RAB4A: variants seen among roughly 807,000 people sequenced by gnomAD.
RAB4A encodes the protein RAB4A, member RAS oncogene family.
A neutral mutation model predicts 34.5 loss-of-function variants in RAB4A; 20 were observed. That is an observed-to-expected ratio of 0.58 (90% CI 0.41 to 0.84). The LOEUF is 0.84. Among genes scored for constraint, RAB4A ranks in the 40% least tolerant of loss-of-function variants. RAB4A has a pLI of 0.00. For missense variants in RAB4A, 228 were observed against 274.5 expected, an observed-to-expected ratio of 0.83 and a Z score of 1.20; for synonymous variants, 102 against 100.0, an observed-to-expected ratio of 1.02 and a Z score of -0.12.
At chr1:229,298,867 A>T in intron 5 of RAB4A, 110 bp from the exon 6 acceptor site, 1 of 759,386 alleles carries the variant, frequency 1.3e-6, no homozygotes. Context: ...GTTTTAGGTC[A>T]TAAATTATAT....
intron 1 of RAB4A, among the ~76,000 whole-genome samples, chr1:229,277,011 T>C (rs1656668344): frequency 6.8e-6 from 1 of 146,412 alleles, no homozygotes; most frequent in South Asian, 2.1e-4. Flanking sequence ...ATATATAATA[T>C]ATATAGTTTA....
chr1:229,294,233 C>A (rs961382523), intron 3 of RAB4A, among the ~76,000 whole-genome samples: 2 of 152,156 alleles, frequency 1.3e-5, no homozygotes, highest in African/African-American at 4.8e-5. Context: ...GGAGGCAGCA[C>A]TTGGATCTGA....
Position 229,299,029 on chromosome 1 carries a change from T to A in RAB4A, c.498T>A (p.Ala166=). 2 of 1,610,754 alleles carry A rather than the reference T, an allele frequency of 1.2e-6. No homozygotes were observed. The highest frequency in any genetic ancestry group is 2.2e-5 in the South Asian group (2 of 90,260). Residue 166 remains alanine, a synonymous_variant, in exon 6 of 8, where the codon GCT becomes GCA. Transcript: ENST00000366690. ...SALTGENVEE[A]FVQCARKILN... Reference sequence around the variant, plus strand: ...TCACAGGGGAGAATGTAGAAGAGGCTTTTGTACAGTGTGCAAGAAAAATAC... The same window carrying A: ...TCACAGGGGAGAATGTAGAAGAGGCATTTGTACAGTGTGCAAGAAAAATAC...
intron 1 of RAB4A, among the ~76,000 whole-genome samples, chr1:229,277,290 C>G (rs1263603184): frequency 6.6e-6 from 1 of 150,948 alleles, no homozygotes; most frequent in South Asian, 2.1e-4. Flanking sequence ...GTGCCGACAA[C>G]GTTTAATTCA....
intron 6 of RAB4A, among the ~76,000 whole-genome samples, chr1:229,302,309 A>ATAT (rs1657431515): frequency 2.0e-4 from 7 of 35,892 alleles, no homozygotes; most frequent in African/African-American, 4.1e-4. Context: ...ATATATATAT[A>ATAT]TTTTTTTTTT....
chr1:229,282,053 A>G (rs1256720389), intron 1 of RAB4A, among the ~76,000 whole-genome samples: 4 of 152,030 alleles, frequency 2.6e-5, no homozygotes, highest in African/African-American at 9.7e-5. Flanking sequence ...ATGTTCCAAG[A>G]TTCCTTCCTT....
intron 3 of RAB4A, among the ~76,000 whole-genome samples, chr1:229,293,331 C>T (rs200019349): frequency 6.6e-6 from 1 of 152,192 alleles, no homozygotes; most frequent in Non-Finnish European, 1.5e-5. Flanking sequence ...TCTTTCCTCC[C>T]CAGAGGGCTG....
At chr1:229,271,499 G>C in intron 1 of RAB4A, 129 bp downstream of exon 1, 1 of 808,476 alleles carries the variant, frequency 1.2e-6, no homozygotes, top group Non-Finnish European at 1.6e-6. Context: ...GACGGATCTC[G>C]GAGGTGTCTG....
chr1:229,295,398 C>T (rs965709576), intron 3 of RAB4A, among the ~76,000 whole-genome samples: 4 of 152,112 alleles, frequency 2.6e-5, no homozygotes, highest in African/African-American at 9.6e-5. Flanking sequence ...GGTGTAGGGC[C>T]GTGGTGACTA....
At chr1:229,272,697 G>A (rs1436474208) in intron 1 of RAB4A, among the ~76,000 whole-genome samples, 2 of 152,206 alleles carry the variant, frequency 1.3e-5, no homozygotes, top group East Asian at 3.8e-4. Context: ...AGAGGTGGAT[G>A]AGGAGGCAGA....
intron 1 of RAB4A, among the ~76,000 whole-genome samples, chr1:229,285,278 C>A (rs1656893252): frequency 6.6e-6 from 1 of 152,140 alleles, no homozygotes; most frequent in Non-Finnish European, 1.5e-5. Flanking sequence ...CCAAAGTGCT[C>A]ATATTACAGT....
rs145682743 is a variant in RAB4A at position 229,287,266 on chromosome 1, A to G, written c.112+700A>G. The stretch of plus-strand genomic sequence containing the variant: ...TGTGAGGCATGGTAGGTGGTGGGTA[A>G]AAAGGAGAAAGAACCAGTTTGGGGT... On this transcript the variant is annotated intron_variant, in intron 2 of 7. Transcript: ENST00000366690. Among the ~76,000 whole-genome samples the G allele has an allele frequency of 1.6e-4, 25 of 152,302 alleles. No individual in the cohort carries two copies. In the East Asian group the frequency reaches 3.9e-3, roughly 23 times the overall value.
In RAB4A at chr1:229,299,051, A is replaced by T; in HGVS notation, c.520A>T (p.Ile174Leu). The change falls in exon 6 of 8, where the codon ATA becomes TTA. Residue 174 changes from isoleucine to leucine, a missense_variant. Ile to Leu is a conservative substitution (Grantham distance 5). Coordinates refer to ENST00000366690, the MANE Select transcript of RAB4A (RefSeq NM_004578.4). ...GGCTTTTGTACAGTGTGCAAGAAAA[A>T]TACTTAACAAAATCGAATCAGGTAA... ...EEAFVQCARK[I>L]LNKIESGELD... is the part of the protein sequence containing the mutation. 1.2e-6 allele frequency: 2 copies of T among 1,605,690 alleles called. No homozygotes were observed. The highest frequency in any genetic ancestry group is 1.1e-5 in the South Asian group (1 of 89,220).
intron 6 of RAB4A, among the ~76,000 whole-genome samples, chr1:229,302,317 T>A (rs1311535396): frequency 4.1e-4 from 40 of 97,690 alleles, no homozygotes; most frequent in Non-Finnish European, 6.1e-4. Context: ...ATATTTTTTT[T>A]TTTTTTTTAC....
In RAB4A at chr1:229,302,292, TATATATATATATATA is replaced by T. The variant is rs1657421621; in HGVS notation, c.542-569_542-555del. Among the ~76,000 whole-genome samples, 12 of 24,988 alleles carry T rather than the reference TATATATATATATATA, an allele frequency of 4.8e-4. 1 individual carries two copies. Among genetic ancestry groups the T allele is most frequent in the African/African-American group, 1.5e-3 (7 of 4,748 alleles). The allele number at this position is 24,988 out of a possible 152,430, so 16.4% of individuals were successfully genotyped here. ...ATATATATATATATATATATATATA[TATATATATATATATA>T]TATTTTTTTTTTTTTTTTACATGTG... is the stretch of plus-strand genomic sequence containing the variant. On this transcript the variant is annotated intron_variant, in intron 6 of 7. Coordinates refer to ENST00000366690, the MANE Select transcript of RAB4A (RefSeq NM_004578.4).
chr1:229,291,415 AAGAC>A (rs1381609061), intron 3 of RAB4A, among the ~76,000 whole-genome samples: 4 of 152,334 alleles, frequency 2.6e-5, no homozygotes, highest in East Asian at 1.9e-4. Context: ...AGGGAAGACT[AAGAC>A]AGCAGTCAGT....
intron 1 of RAB4A, among the ~76,000 whole-genome samples, chr1:229,281,969 A>G (rs1301819750): frequency 6.6e-6 from 1 of 151,962 alleles, no homozygotes; most frequent in Non-Finnish European, 1.5e-5. Flanking sequence ...CATAATGAAG[A>G]AAACTCAAGA....
At chr1:229,274,826 C>A (rs1444456502) in intron 1 of RAB4A, among the ~76,000 whole-genome samples, 2 of 152,214 alleles carry the variant, frequency 1.3e-5, no homozygotes, top group African/African-American at 2.4e-5. Flanking sequence ...AAATCTAATA[C>A]AAAATCTCTA....
intron 1 of RAB4A, among the ~76,000 whole-genome samples, chr1:229,280,384 G>A (rs777170528): frequency 6.6e-6 from 1 of 152,136 alleles, no homozygotes; most frequent in African/African-American, 2.4e-5. Flanking sequence ...TTTTATCTGC[G>A]TTATCTAAAT....
Sources: allele counts gnomAD v4.1 joint callset (sites outside exome capture counted in the v4.1 genomes callset), GRCh38; gene constraint gnomAD v4.1.1; transcripts MANE v1.5; gene names NCBI Gene and HGNC (gene_info 2026-07-23, HGNC 2026-07-21).